The following RANBP2 variants were observed in gnomAD, a reference collection of about 807,000 sequenced individuals.
RANBP2 encodes the protein RAN binding protein 2.
In RANBP2, 57 loss-of-function variants were observed where a neutral mutation model predicts 303.6. The ratio of observed to expected loss-of-function variants is 0.19; its 90% CI spans 0.15 to 0.23. The LOEUF is 0.23. Among genes scored for constraint, RANBP2 ranks in the 10% least tolerant of loss-of-function variants. The pLI is 1.00. For missense variants in RANBP2, 3,138 were observed against 3,780.8 expected (o/e 0.83, Z 4.46); for synonymous variants, 1,167 against 1,301.5 (o/e 0.90, Z 2.23).
At chr2:109,334,469 ACC>A in the RANBP2 span, among the ~76,000 whole-genome samples, 1 of 151,950 alleles carries the variant, frequency 6.6e-6, no homozygotes, top group Admixed American at 6.6e-5. Context: ...TTGGTCCAGA[ACC>A]CTGCGGACTT....
At chr2:108,933,499 C>T in the RANBP2 span, among the ~76,000 whole-genome samples, 4 of 152,132 alleles carry the variant, frequency 2.6e-5, no homozygotes, top group African/African-American at 7.2e-5. Context: ...CCTTGGGTCT[C>T]GGCTGTTGGC....
chr2:109,123,913 C>G, the RANBP2 span, among the ~76,000 whole-genome samples: 1 of 152,214 alleles, frequency 6.6e-6, no homozygotes, highest in Non-Finnish European at 1.5e-5. Flanking sequence ...AATTAACTCC[C>G]ATGGACATAA....
At chr2:108,994,794 T>TTATATA in the RANBP2 span, among the ~76,000 whole-genome samples, 1 of 114,848 alleles carries the variant, frequency 8.7e-6, no homozygotes, top group African/African-American at 3.6e-5. Context: ...GTGCATTGGG[T>TTATATA]TATATATATA....
chr2:109,406,721 G>A, the RANBP2 span, among the ~76,000 whole-genome samples: 1 of 152,118 alleles, frequency 6.6e-6, no homozygotes, highest in South Asian at 2.1e-4. Context: ...GTTTATTACT[G>A]AGCCCATTAC....
chr2:108,768,910 A>G (rs559988710), intron 20 of RANBP2, among the ~76,000 whole-genome samples: 14 of 152,050 alleles, frequency 9.2e-5, no homozygotes, highest in African/African-American at 3.4e-4. Context: ...GTGCGTGCCT[A>G]TAATTAGCAG....
Position 108,740,637 on chromosome 2 carries a change from G to A in RANBP2, c.931G>A (p.Ala311Thr), listed in dbSNP as rs763374992. The change falls in exon 7 of 29, where the codon GCT (alanine) becomes ACT (threonine). Residue 311 changes from alanine (A) to threonine (T), a missense_variant. Physicochemically the swap from Ala to Thr is moderately conservative, Grantham distance 58 (BLOSUM62 0). This residue lies in a region of RANBP2 where 306 missense variants were observed against 381.9 expected (regional missense o/e 0.80). Transcript: ENST00000283195. ...GQHSSNVQWR[A>T]LSELAALCYL... is the part of the protein sequence containing the mutation. The stretch of plus-strand genomic sequence containing the variant: ...GCATAGTAGTAATGTTCAATGGCGA[G>A]CTCTTTCTGAGCTGGCTGCATTGTG... The A allele has an allele frequency of 1.9e-5, 31 of 1,597,412 alleles. No homozygotes were observed. The highest frequency in any genetic ancestry group is 2.6e-5 in the Non-Finnish European group (31 of 1,179,780).
chr2:108,820,699 C>CAAAAAAAAAAAAAAAAA, the RANBP2 span, among the ~76,000 whole-genome samples: 4 of 62,582 alleles, frequency 6.4e-5, no homozygotes, highest in African/African-American at 1.1e-4. Flanking sequence ...ATTCAAAGTG[C>CAAAAAAAAAAAAAAAAA]AAAAAAAAAA....
chr2:109,046,031 A>G, the RANBP2 span, among the ~76,000 whole-genome samples: 7 of 152,118 alleles, frequency 4.6e-5, no homozygotes, highest in East Asian at 1.9e-4. Context: ...AAGGCCGGGC[A>G]TGGTGTCTCA....
chr2:109,330,302 TAAAGA>T, the RANBP2 span, among the ~76,000 whole-genome samples: 1 of 152,142 alleles, frequency 6.6e-6, no homozygotes, highest in Non-Finnish European at 1.5e-5. Flanking sequence ...ATTGCGAAAC[TAAAGA>T]AAAGGGGCAA....
chr2:109,053,040 T>G, the RANBP2 span, among the ~76,000 whole-genome samples: 14 of 152,180 alleles, frequency 9.2e-5, no homozygotes, highest in African/African-American at 3.4e-4. Flanking sequence ...GGTCCAAATT[T>G]ACAGACAGCA....
At chr2:108,799,844 T>C in the RANBP2 span, among the ~76,000 whole-genome samples, 22 of 152,284 alleles carry the variant, frequency 1.4e-4, no homozygotes, top group African/African-American at 5.3e-4. Context: ...GATAGTTTCT[T>C]GATCCATCTT....
At chr2:109,086,271 G>A in the RANBP2 span, among the ~76,000 whole-genome samples, 4 of 152,116 alleles carry the variant, frequency 2.6e-5, no homozygotes, top group African/African-American at 9.7e-5. Flanking sequence ...GAGGTTGTTG[G>A]GGGAGGGGGG....
chr2:109,659,336 T>C, the RANBP2 span, among the ~76,000 whole-genome samples: 1 of 152,010 alleles, frequency 6.6e-6, no homozygotes, highest in African/African-American at 2.4e-5. Flanking sequence ...GATCACGCCA[T>C]TGCACTCCAG....
At chr2:108,882,740 C>T in the RANBP2 span, 3 of 152,152 alleles carry the variant, frequency 2.0e-5, no homozygotes, top group Admixed American at 6.6e-5. Flanking sequence ...CTTTCTCTCA[C>T]CATCTAAGTT....
the RANBP2 span, among the ~76,000 whole-genome samples, chr2:109,093,268 G>T: frequency 1.7e-4 from 26 of 152,104 alleles, no homozygotes; most frequent in African/African-American, 6.3e-4. Context: ...TTGGCTTCTG[G>T]AGTGAATACT....
chr2:108,865,048 C>T, the RANBP2 span, among the ~76,000 whole-genome samples: 81 of 152,106 alleles, frequency 5.3e-4, 1 homozygote, highest in Admixed American at 2.4e-3. Flanking sequence ...CTGTTTCCCT[C>T]CCTGGAGGGA....
chr2:109,249,849 T>A, the RANBP2 span, among the ~76,000 whole-genome samples: 1 of 151,446 alleles, frequency 6.6e-6, no homozygotes, highest in Non-Finnish European at 1.5e-5. Context: ...ATTTATTTTT[T>A]AATTTTTTTA....
chr2:109,290,279 A>ACTT, the RANBP2 span, among the ~76,000 whole-genome samples: 1 of 152,232 alleles, frequency 6.6e-6, no homozygotes, highest in Non-Finnish European at 1.5e-5. Flanking sequence ...TGAAGTGAGA[A>ACTT]CTTCTCTTTC....
At chr2:109,682,444 C>T in the RANBP2 span, among the ~76,000 whole-genome samples, 1 of 152,176 alleles carries the variant, frequency 6.6e-6, no homozygotes, top group African/African-American at 2.4e-5. Context: ...GAAATTTGCT[C>T]CAGCTGTCTG....
Sources: gnomAD v4.1 joint callset for allele counts (sites outside exome capture counted in the v4.1 genomes callset) on GRCh38, gnomAD v4.1.1 for gene constraint, gnomAD v4.1.1 regional missense constraint, MANE v1.5 for transcripts, NCBI Gene and HGNC (gene_info 2026-07-23, HGNC 2026-07-21) for gene names.